The following NAALADL2 variants were observed in gnomAD, a reference collection of about 807,000 sequenced individuals.
The protein encoded by NAALADL2 is N-acetylated alpha-linked acidic dipeptidase like 2, also known as inactive N-acetylated-alpha-linked acidic dipeptidase-like protein 2.
In NAALADL2, 76 loss-of-function variants were observed where a neutral mutation model predicts 87.2. That is an observed-to-expected ratio of 0.87 (90% CI 0.72 to 1.05). NAALADL2 has a LOEUF of 1.05. Among genes scored for constraint, NAALADL2 ranks in the 50% least tolerant of loss-of-function variants. The pLI, the probability that NAALADL2 is intolerant of heterozygous loss-of-function variation, is 0.00. For synonymous variants in NAALADL2, 354 were observed against 331.0 expected (o/e 1.07, Z -0.75); for missense variants, 1,089 against 945.8 (o/e 1.15, Z -1.99).
chr3:175,251,187 G>A (rs1308128872), intron 3 of NAALADL2, among the ~76,000 whole-genome samples: 1 of 152,034 alleles, frequency 6.6e-6, no homozygotes, highest in Non-Finnish European at 1.5e-5. Context: ...CTGCGTATGT[G>A]GCCCACCACT....
At chr3:174,475,381 T>C (rs1560004959) in intron 1 of NAALADL2, among the ~76,000 whole-genome samples, 1 of 151,886 alleles carries the variant, frequency 6.6e-6, no homozygotes, top group Non-Finnish European at 1.5e-5. Flanking sequence ...TCAGAGAAGA[T>C]ATTAGATTAC....
chr3:175,251,387 G>A (rs1375969831), intron 3 of NAALADL2, among the ~76,000 whole-genome samples: 1 of 152,144 alleles, frequency 6.6e-6, no homozygotes, highest in Non-Finnish European at 1.5e-5. Context: ...TGTAAAACAG[G>A]AACTAAGTCG....
At chr3:174,899,306 A>G (rs964256922) in intron 1 of NAALADL2, among the ~76,000 whole-genome samples, 1 of 152,172 alleles carries the variant, frequency 6.6e-6, no homozygotes, top group Non-Finnish European at 1.5e-5. Flanking sequence ...AATTATTTGC[A>G]TATGATACAG....
intron 11 of NAALADL2, among the ~76,000 whole-genome samples, chr3:175,736,003 C>A (rs1395273636): frequency 6.6e-6 from 1 of 152,158 alleles, no homozygotes; most frequent in African/African-American, 2.4e-5. Flanking sequence ...TCGCATTTCC[C>A]TGTGTGCTGC....
At chr3:175,069,779 T>A (rs1374554872) in intron 1 of NAALADL2, among the ~76,000 whole-genome samples, 1 of 151,572 alleles carries the variant, frequency 6.6e-6, no homozygotes, top group East Asian at 1.9e-4. Flanking sequence ...CCAACAATGA[T>A]AGACTGGATT....
chr3:175,458,627 T>A (rs1174624290), intron 6 of NAALADL2, among the ~76,000 whole-genome samples: 4 of 150,078 alleles, frequency 2.7e-5, no homozygotes, highest in Admixed American at 2.0e-4. Flanking sequence ...CATATCAATA[T>A]CAAGTTTTAT....
chr3:174,715,622 A>C (rs917153349), intron 2 of NAALADL2, among the ~76,000 whole-genome samples: 2 of 152,210 alleles, frequency 1.3e-5, no homozygotes, highest in Admixed American at 1.3e-4. Flanking sequence ...GCAAAAGCCC[A>C]GTTTCAAGAA....
At chr3:175,614,982 A>G (rs1725138814) in intron 10 of NAALADL2, among the ~76,000 whole-genome samples, 1 of 152,224 alleles carries the variant, frequency 6.6e-6, no homozygotes, top group South Asian at 2.1e-4. Flanking sequence ...TAAGCAGGTT[A>G]GGACAAAACA....
Position 175,501,981 on chromosome 3 carries a change from C to T in NAALADL2, c.1653+30223C>T, listed in dbSNP as rs543970660. Among the ~76,000 whole-genome samples, 14 of 151,900 alleles carry T rather than the reference C, an allele frequency of 9.2e-5. No homozygotes were observed. In the East Asian group the frequency reaches 2.7e-3, roughly 29 times the overall value. ...GCATGTTAGTCACCAGGATCAAAAGCGATAGTAAGATCAAAAAGGGCTGAT... is the reference window on the plus strand; with the variant it reads ...GCATGTTAGTCACCAGGATCAAAAGTGATAGTAAGATCAAAAAGGGCTGAT... On this transcript the variant is annotated intron_variant, in intron 9 of 13. Coordinates refer to ENST00000454872, the MANE Select transcript of NAALADL2 (RefSeq NM_207015.3).
chr3:174,672,324 C>T (rs997130367), intron 2 of NAALADL2, among the ~76,000 whole-genome samples: 2 of 151,982 alleles, frequency 1.3e-5, no homozygotes, highest in South Asian at 2.1e-4. Flanking sequence ...TTTTTATCTA[C>T]TCAGAAGCAC....
intron 4 of NAALADL2, among the ~76,000 whole-genome samples, chr3:175,306,674 A>G (rs536361885): frequency 6.6e-6 from 1 of 151,028 alleles, no homozygotes; most frequent in African/African-American, 2.5e-5. Flanking sequence ...TAAAATACAA[A>G]CAAACAAACA....
At chr3:174,596,731 A>C (rs887996874) in intron 2 of NAALADL2, among the ~76,000 whole-genome samples, 9 of 152,100 alleles carry the variant, frequency 5.9e-5, no homozygotes, top group African/African-American at 2.2e-4. Context: ...ATTTCTTTTC[A>C]TGGTTTTGAT....
At chr3:175,181,553 GACA>G (rs1174440285) in intron 2 of NAALADL2, among the ~76,000 whole-genome samples, 1 of 151,164 alleles carries the variant, frequency 6.6e-6, no homozygotes, top group Non-Finnish European at 1.5e-5. Flanking sequence ...ACATGTAAGT[GACA>G]ACATGTGGTA....
At chr3:174,803,233 T>A (rs1719051239) in intron 3 of NAALADL2, among the ~76,000 whole-genome samples, 2 of 152,328 alleles carry the variant, frequency 1.3e-5, no homozygotes, top group Non-Finnish European at 2.9e-5. Flanking sequence ...TGACTAGTGA[T>A]GATGAACATT....
intron 9 of NAALADL2, among the ~76,000 whole-genome samples, chr3:175,546,899 C>G (rs1279172692): frequency 6.6e-6 from 1 of 152,026 alleles, no homozygotes; most frequent in Non-Finnish European, 1.5e-5. Context: ...CTACAAACCA[C>G]TGCTCAAATA....
intron 9 of NAALADL2, among the ~76,000 whole-genome samples, chr3:175,483,493 A>T (rs1304267787): frequency 2.0e-5 from 3 of 151,462 alleles, no homozygotes; most frequent in Admixed American, 1.3e-4. Context: ...CTATCATTTA[A>T]TTTTTTTCCA....
rs1053138324 is a variant in NAALADL2 at position 175,578,769 on chromosome 3, T to G, written c.1800+2582T>G. On this transcript the variant is annotated intron_variant, in intron 10 of 13. Transcript: ENST00000454872. ...CAAGAGATAGTCTATCAATATATTT[T>G]GTTTGACCTATAAGTTACTGAAAAA... Among the ~76,000 whole-genome samples, 5 of 152,230 alleles carry G rather than the reference T, an allele frequency of 3.3e-5. No individual in the cohort carries two copies. The South Asian group carries it at 1.0e-3, about 32-fold the overall frequency.
At chr3:175,101,106 G>GA (rs1722083735) in intron 2 of NAALADL2, among the ~76,000 whole-genome samples, 1 of 152,122 alleles carries the variant, frequency 6.6e-6, no homozygotes, top group East Asian at 1.9e-4. Flanking sequence ...GCACACACCG[G>GA]AAAAAATTTC....
chr3:174,899,794 A>G (rs1732082975), intron 1 of NAALADL2, among the ~76,000 whole-genome samples: 1 of 152,104 alleles, frequency 6.6e-6, no homozygotes, highest in Admixed American at 6.6e-5. Context: ...CCAAGGGCAT[A>G]TGCTTACACG....
Sources: gnomAD v4.1 joint callset for allele counts (sites outside exome capture counted in the v4.1 genomes callset) on GRCh38, gnomAD v4.1.1 for gene constraint, MANE v1.5 for transcripts, NCBI Gene and HGNC (gene_info 2026-07-23, HGNC 2026-07-21) for gene names.